The following PIWIL1 variants were observed in gnomAD, a reference collection of about 807,000 sequenced individuals.
The protein encoded by PIWIL1 is piwi-like protein 1.
PIWIL1 carries 73 observed loss-of-function variants against 114.4 expected under a neutral mutation model. That is an observed-to-expected ratio of 0.64 (90% CI 0.53 to 0.78). The LOEUF is 0.78. Ranked by LOEUF, PIWIL1 falls within the 30% of genes least tolerant of loss-of-function variation. The pLI, the probability that PIWIL1 is intolerant of heterozygous loss-of-function variation, is 0.00. For synonymous variants in PIWIL1, 375 were observed against 369.0 expected (o/e 1.02, Z -0.19); for missense variants, 723 against 1,063.1 (o/e 0.68, Z 4.45).
chr12:130,406,003 T>C, the PIWIL1 span, among the ~76,000 whole-genome samples: 1 of 152,220 alleles, frequency 6.6e-6, no homozygotes, highest in South Asian at 2.1e-4. Flanking sequence ...TTCTAGATTA[T>C]CTATAACTCA....
At chr12:130,407,561 G>A in the PIWIL1 span, among the ~76,000 whole-genome samples, 11 of 152,194 alleles carry the variant, frequency 7.2e-5, no homozygotes, top group African/African-American at 1.4e-4. Context: ...TCTCTCCTGC[G>A]TGGCCATGTC....
chr12:130,356,534 G>C (rs2073370355), intron 12 of PIWIL1, among the ~76,000 whole-genome samples: 1 of 152,022 alleles, frequency 6.6e-6, no homozygotes, highest in Non-Finnish European at 1.5e-5. Context: ...CTTGCTTGCG[G>C]CATATAACAC....
intron 1 of PIWIL1, among the ~76,000 whole-genome samples, chr12:130,340,075 C>T (rs903134378): frequency 6.6e-6 from 1 of 152,200 alleles, no homozygotes; most frequent in Admixed American, 6.5e-5. Context: ...AACAGGTTAC[C>T]ATGTAGTAGG....
At chr12:130,411,517 A>G in the PIWIL1 span, among the ~76,000 whole-genome samples, 7 of 151,734 alleles carry the variant, frequency 4.6e-5, no homozygotes, top group Non-Finnish European at 1.0e-4. Context: ...ATATCAGGCT[A>G]GGTTCCCTTG....
chr12:130,370,999 CA>C (rs2073802830), intron 19 of PIWIL1, among the ~76,000 whole-genome samples, 176 bp from the exon 20 acceptor site: 1 of 152,144 alleles, frequency 6.6e-6, no homozygotes, highest in Admixed American at 6.5e-5. Flanking sequence ...TAAGCAGTCC[CA>C]AATGGTTCAT....
chr12:130,364,070 A>G (rs1740218021), intron 18 of PIWIL1, among the ~76,000 whole-genome samples: 1 of 152,234 alleles, frequency 6.6e-6, no homozygotes, highest in Admixed American at 6.5e-5. Context: ...AATGTGTACC[A>G]TCGCAAGAGA....
intron 10 of PIWIL1, 35 bp from the exon 11 acceptor site, chr12:130,354,853 C>G (rs781712952): frequency 2.7e-6 from 4 of 1,490,720 alleles, no homozygotes; most frequent in Non-Finnish European, 3.7e-6. Context: ...ATTATTATTT[C>G]TTTAACCATA....
intron 1 of PIWIL1, among the ~76,000 whole-genome samples, chr12:130,339,985 G>C (rs534412551): frequency 6.6e-6 from 1 of 152,326 alleles, no homozygotes; most frequent in African/African-American, 2.4e-5. Context: ...GTCAAGCGAC[G>C]GACTGGGTGC....
chr12:130,400,658 C>A, the PIWIL1 span, among the ~76,000 whole-genome samples: 1 of 152,132 alleles, frequency 6.6e-6, no homozygotes, highest in Admixed American at 6.6e-5. Flanking sequence ...CATCAAAACA[C>A]CTGTGCAGTG....
the PIWIL1 span, among the ~76,000 whole-genome samples, chr12:130,392,786 C>T: frequency 1.6e-5 from 2 of 126,278 alleles, 1 homozygote; most frequent in Admixed American, 1.6e-4. Flanking sequence ...ACCCAGTCAC[C>T]GTCATCACGT....
At chr12:130,377,495 C>T (rs1207239456), downstream of PIWIL1, among the ~76,000 whole-genome samples, 2 of 152,202 alleles carry the variant, frequency 1.3e-5, no homozygotes, top group African/African-American at 4.8e-5. Flanking sequence ...GTAAGTTACA[C>T]CAGGCAGAGA....
intron 3 of PIWIL1, among the ~76,000 whole-genome samples, chr12:130,343,534 A>G (rs1168347761): frequency 6.6e-6 from 1 of 152,180 alleles, no homozygotes; most frequent in Non-Finnish European, 1.5e-5. Context: ...GTAGAAATTA[A>G]TATAAGTTTA....
At chr12:130,403,989 A>G in the PIWIL1 span, among the ~76,000 whole-genome samples, 4,441 of 152,346 alleles carry the variant, frequency 0.029, 146 homozygotes, top group African/African-American at 0.062. Flanking sequence ...GTAAAATATG[A>G]GTGGTATTCC....
chr12:130,345,939 G>A (rs969722287), intron 4 of PIWIL1, 61 bp downstream of exon 4: 1 of 1,568,834 alleles, frequency 6.4e-7, no homozygotes. Context: ...ACAGTGAATT[G>A]AGGCACTTTA....
In PIWIL1 at chr12:130,357,520, C is replaced by A. The variant is rs1392650498; in HGVS notation, c.1632C>A (p.Val544=). 1 of 1,613,268 alleles carries A rather than the reference C, an allele frequency of 6.2e-7. No individual in the cohort carries two copies. Residue 544 remains valine, a synonymous_variant, in exon 14 of 21, where the codon GTC becomes GTA. Coordinates refer to ENST00000245255, the MANE Select transcript of PIWIL1 (RefSeq NM_004764.5). ...ACAGAACTGAAGCCTACTTAAGAGT[C>A]TTACAGCAAAAGGTCACAGCAGACA... is the stretch of plus-strand genomic sequence containing the variant. ...VDDRTEAYLR[V]LQQKVTADTQ... is the part of the protein sequence containing the mutation.
chr12:130,370,054 A>G (rs569244335), intron 19 of PIWIL1, among the ~76,000 whole-genome samples: 4 of 152,334 alleles, frequency 2.6e-5, no homozygotes, highest in African/African-American at 9.6e-5. Flanking sequence ...CTTTCTGAAC[A>G]AGTCATTTAA....
chr12:130,405,901 G>A, the PIWIL1 span, among the ~76,000 whole-genome samples: 1 of 152,138 alleles, frequency 6.6e-6, no homozygotes, highest in African/African-American at 2.4e-5. Flanking sequence ...TAAAAAATAA[G>A]AATATGAATG....
chr12:130,414,005 C>T, the PIWIL1 span: 9 of 1,079,206 alleles, frequency 8.3e-6, no homozygotes, highest in South Asian at 8.6e-5. Flanking sequence ...TCCCGTGCCT[C>T]GCCCATGGCC....
rs147370629 is a variant in PIWIL1, at chr12:130,363,497, G to T, written c.2195+353G>T. Among the ~76,000 whole-genome samples, 4 of 151,652 alleles carry T rather than the reference G, an allele frequency of 2.6e-5. No individual in the cohort carries two copies. In the East Asian group the frequency reaches 5.8e-4, roughly 22 times the overall value. ...ATTATTGAAATAAGTGTTCCTGACA[G>T]TCTTAGCTTACTGAATACTTGTTTC... On this transcript the variant is annotated intron_variant, in intron 18 of 20. Coordinates refer to ENST00000245255, the MANE Select transcript of PIWIL1 (RefSeq NM_004764.5).
Sources: gnomAD v4.1 joint callset for allele counts (sites outside exome capture counted in the v4.1 genomes callset) on GRCh38, gnomAD v4.1.1 for gene constraint, MANE v1.5 for transcripts, NCBI Gene and HGNC (gene_info 2026-07-23, HGNC 2026-07-21) for gene names.